The following BARX2 variants were observed in gnomAD, a reference collection of about 807,000 sequenced individuals.
The protein encoded by BARX2 is homeobox protein BarH-like 2.
Under a neutral mutation model 25.5 loss-of-function variants are expected in BARX2, and 11 were observed. The ratio of observed to expected loss-of-function variants is 0.43; its 90% CI spans 0.27 to 0.71. BARX2 has a LOEUF of 0.71. BARX2 is among the 30% of genes least tolerant of loss of function. BARX2 has a pLI of 0.19. For missense variants in BARX2, 360 were observed against 359.9 expected (o/e 1.00, Z 0.00); for synonymous variants, 137 against 149.5 (o/e 0.92, Z 0.61).
At chr11:129,421,451 A>G (rs1862003428) in intron 1 of BARX2, among the ~76,000 whole-genome samples, 1 of 152,216 alleles carries the variant, frequency 6.6e-6, no homozygotes, top group African/African-American at 2.4e-5. Context: ...TCCTTTTTGT[A>G]ACATAGTTTG....
chr11:129,448,871 A>AT (rs1188189623), intron 3 of BARX2, among the ~76,000 whole-genome samples: 3 of 152,260 alleles, frequency 2.0e-5, no homozygotes, highest in African/African-American at 7.2e-5. Context: ...TTATTTACTG[A>AT]TAAATGCTAC....
intron 1 of BARX2, among the ~76,000 whole-genome samples, chr11:129,418,415 G>A (rs1486367868): frequency 2.0e-5 from 3 of 152,156 alleles, no homozygotes; most frequent in Admixed American, 2.0e-4. Context: ...AGCCCAAGCG[G>A]TTCCCCAGGA....
intron 1 of BARX2, among the ~76,000 whole-genome samples, chr11:129,427,063 G>A (rs1252730094): frequency 6.6e-6 from 1 of 152,090 alleles, no homozygotes; most frequent in African/African-American, 2.4e-5. Context: ...TTCACAAGTA[G>A]GTGTGCTTTC....
chr11:129,451,659 A>G lies in BARX2; in HGVS notation c.*257A>G, dbSNP rs895411892. ...TTGATTAAGGGAGAGAGCGCCTAGG[A>G]GCTGCCTGCCCCAGCTGGGGTGACG... On this transcript the variant is annotated 3_prime_UTR_variant, in exon 4 of 4. Coordinates refer to ENST00000281437, the MANE Select transcript of BARX2 (RefSeq NM_003658.5). 8 of 489,222 alleles carry G rather than the reference A, an allele frequency of 1.6e-5. No homozygotes were observed. Among genetic ancestry groups the G allele is most frequent in the African/African-American group, 3.9e-5 (2 of 51,942 alleles). 30.3% of individuals were successfully genotyped at this position (489,222 alleles called of 1,614,324 possible). A position where few individuals can be genotyped will look rare whatever the true frequency, so the allele number is the denominator to read the frequency against.
chr11:129,432,157 G>T (rs561247399), intron 1 of BARX2, among the ~76,000 whole-genome samples: 2 of 152,140 alleles, frequency 1.3e-5, no homozygotes, highest in East Asian at 3.9e-4. Flanking sequence ...CCGCCTCCCG[G>T]GTTCAAGGGA....
chr11:129,376,235 G>A lies in BARX2; in HGVS notation c.187+13G>A. The A allele has an allele frequency of 6.3e-7, 1 of 1,591,926 alleles. No individual in the cohort carries two copies. Among genetic ancestry groups the A allele is most frequent in the South Asian group, 1.1e-5 (1 of 88,752 alleles). ...CATTCCTGTACGGGTAAGACGCTCCGCTAGGGGATAAGTGGGGTTCGGTAG... is the reference window on the plus strand; with the variant it reads ...CATTCCTGTACGGGTAAGACGCTCCACTAGGGGATAAGTGGGGTTCGGTAG... On this transcript the variant is annotated intron_variant, in intron 1 of 3. Coordinates refer to ENST00000281437, the MANE Select transcript of BARX2 (RefSeq NM_003658.5). The surrounding 1 kb of genome is among the most constrained non-coding windows in gnomAD (Gnocchi z 4.2).
intron 1 of BARX2, among the ~76,000 whole-genome samples, chr11:129,379,018 A>G (rs1861534444): frequency 6.6e-6 from 1 of 152,224 alleles, no homozygotes; most frequent in African/African-American, 2.4e-5. Context: ...TTATTGTTCG[A>G]CATTCTAGCC....
chr11:129,383,962 C>T (rs1861594324), intron 1 of BARX2, among the ~76,000 whole-genome samples: 1 of 152,138 alleles, frequency 6.6e-6, no homozygotes, highest in Non-Finnish European at 1.5e-5. Flanking sequence ...CAGGCTCTGC[C>T]TCCTGGGTTC....
At chr11:129,399,960 G>A (rs533875447) in intron 1 of BARX2, among the ~76,000 whole-genome samples, 1 of 152,232 alleles carries the variant, frequency 6.6e-6, no homozygotes, top group South Asian at 2.1e-4. Context: ...TCCACCTGTG[G>A]TGTCTGAGCC....
intron 1 of BARX2, among the ~76,000 whole-genome samples, chr11:129,378,555 T>A (rs1021985519): frequency 8.4e-6 from 1 of 118,864 alleles, no homozygotes; most frequent in Non-Finnish European, 1.7e-5. Flanking sequence ...TTCTTTTCTT[T>A]TCTTTTTCTT....
intron 1 of BARX2, among the ~76,000 whole-genome samples, chr11:129,407,999 A>C (rs1247702100): frequency 7.5e-6 from 1 of 133,694 alleles, no homozygotes; most frequent in Non-Finnish European, 1.6e-5. Flanking sequence ...AAGGAGATTG[A>C]GACAGAGCCA....
chr11:129,438,849 G>A (rs566720821), intron 2 of BARX2, among the ~76,000 whole-genome samples: 1 of 152,326 alleles, frequency 6.6e-6, no homozygotes, highest in East Asian at 1.9e-4. Context: ...GTGGGAGATG[G>A]GGTTAGGGGA....
chr11:129,405,987 C>G (rs972584717), intron 1 of BARX2, among the ~76,000 whole-genome samples: 2 of 152,094 alleles, frequency 1.3e-5, no homozygotes, highest in Non-Finnish European at 2.9e-5. Context: ...TTTATAGGTA[C>G]CTATGTATGT....
At chr11:129,401,909 T>G (rs1193803642) in intron 1 of BARX2, among the ~76,000 whole-genome samples, 1 of 151,156 alleles carries the variant, frequency 6.6e-6, no homozygotes, top group African/African-American at 2.4e-5. Flanking sequence ...TGAGCCAAGA[T>G]TGCACCATTG....
intron 1 of BARX2, among the ~76,000 whole-genome samples, chr11:129,418,881 A>G (rs1241573978): frequency 2.0e-5 from 3 of 152,228 alleles, no homozygotes; most frequent in Non-Finnish European, 4.4e-5. Context: ...AAAGTCCTCA[A>G]ACAACATCGT....
intron 1 of BARX2, among the ~76,000 whole-genome samples, chr11:129,400,715 A>G (rs1861766728): frequency 6.6e-6 from 1 of 152,166 alleles, no homozygotes; most frequent in Non-Finnish European, 1.5e-5. Flanking sequence ...GTTGACAGGG[A>G]TAAGATTGAA....
chr11:129,442,965 C>G, intron 3 of BARX2, 46 bp downstream of exon 3: 2 of 1,526,838 alleles, frequency 1.3e-6, no homozygotes. Flanking sequence ...ATGGGAAGGA[C>G]TTTTACTCCA....
At chr11:129,415,162 A>G (rs1397451743) in intron 1 of BARX2, among the ~76,000 whole-genome samples, 2 of 152,108 alleles carry the variant, frequency 1.3e-5, no homozygotes, top group Admixed American at 1.3e-4. Context: ...TTCTCAGTTC[A>G]CTCCCTATGA....
intron 1 of BARX2, among the ~76,000 whole-genome samples, chr11:129,435,498 A>G (rs1862178309): frequency 1.3e-5 from 2 of 152,322 alleles, no homozygotes; most frequent in South Asian, 4.1e-4. Flanking sequence ...AGTCGGTTTC[A>G]ACTCAGAGCT....
Sources: gnomAD v4.1 joint callset for allele counts (sites outside exome capture counted in the v4.1 genomes callset) on GRCh38, gnomAD v4.1.1 for gene constraint, Gnocchi (gnomAD v3.1) non-coding constraint, MANE v1.5 for transcripts, NCBI Gene and HGNC (gene_info 2026-07-23, HGNC 2026-07-21) for gene names.